The following NFYB variants were observed in gnomAD, a reference collection of about 807,000 sequenced individuals.
The protein encoded by NFYB is nuclear transcription factor Y subunit beta.
NFYB carries 13 observed loss-of-function variants against 28.0 expected under a neutral mutation model. The observed-to-expected ratio is 0.46, with a 90% confidence interval of 0.30 to 0.74. The LOEUF (loss-of-function observed/expected upper bound fraction) is 0.74. Ranked by LOEUF, NFYB falls within the 30% of genes least tolerant of loss-of-function variation. The pLI, the probability that NFYB is intolerant of heterozygous loss-of-function variation, is 0.07. For missense variants in NFYB, 142 were observed against 247.6 expected (o/e 0.57, Z 2.86); for synonymous variants, 74 against 75.0 (o/e 0.99, Z 0.07).
intron 2 of NFYB, among the ~76,000 whole-genome samples, chr12:104,129,718 A>G (rs773316388): frequency 2.2e-4 from 33 of 152,272 alleles, no homozygotes; most frequent in Non-Finnish European, 4.0e-4. Context: ...GTCTCTAAAA[A>G]AAAACAAAAA....
Position 104,119,529 on chromosome 12 carries a change from T to G in NFYB, c.*208A>C, listed in dbSNP as rs2030385726. The G allele has an allele frequency of 2.1e-6, 1 of 470,540 alleles. No individual in the cohort carries two copies. Among genetic ancestry groups the G allele is most frequent in the Non-Finnish European group, 3.8e-6 (1 of 263,974 alleles). 29.1% of individuals were successfully genotyped at this position (470,540 alleles called of 1,614,324 possible). On this transcript the variant is annotated 3_prime_UTR_variant, in exon 8 of 8. Coordinates refer to ENST00000240055, the MANE Select transcript of NFYB (RefSeq NM_006166.4). The stretch of plus-strand genomic sequence containing the variant: ...CAAAACAAAAATATTTTAATACCTT[T>G]AAAATCCAAATTTTTCTTTAAAATC...
Position 104,133,079 on chromosome 12 carries a change from C to A in NFYB, c.6+2369G>T, listed in dbSNP as rs114148766. On this transcript the variant is annotated intron_variant, in intron 2 of 7. Transcript: ENST00000240055. ...ATAAATCTTTATTTTTTTGATGTAG[C>A]CGTATTTAAACTATGCTAATAATTT... Among the ~76,000 whole-genome samples, 495 of 152,208 alleles carry A rather than the reference C, an allele frequency of 3.3e-3. 4 individuals are homozygous for A. The highest frequency in any genetic ancestry group is 0.011 in the African/African-American group (474 of 41,526).
intron 2 of NFYB, among the ~76,000 whole-genome samples, chr12:104,130,570 AT>A (rs1565826680): frequency 6.6e-6 from 1 of 152,216 alleles, no homozygotes; most frequent in Non-Finnish European, 1.5e-5. Flanking sequence ...CAGTGACCTG[AT>A]TCTGACTCTC....
intron 2 of NFYB, among the ~76,000 whole-genome samples, chr12:104,129,750 G>C (rs980059562): frequency 1.3e-5 from 2 of 152,150 alleles, no homozygotes; most frequent in Non-Finnish European, 2.9e-5. Flanking sequence ...GCCAGGCGTT[G>C]TGGCATGTGC....
intron 1 of NFYB, chr12:104,137,768 G>C (rs966270592): frequency 1.8e-4 from 26 of 147,408 alleles, no homozygotes. Context: ...CCGGCTCCCC[G>C]CACAAAATGG....
At chr12:104,129,670 G>A (rs960619307) in intron 2 of NFYB, among the ~76,000 whole-genome samples, 13 of 152,074 alleles carry the variant, frequency 8.5e-5, no homozygotes, top group Non-Finnish European at 1.9e-4. Context: ...CTTGGGCCCA[G>A]AAGTTCAAGA....
intron 4 of NFYB, 83 bp from the exon 5 acceptor site, chr12:104,123,506 A>G: frequency 9.9e-7 from 1 of 1,010,394 alleles, no homozygotes; most frequent in Admixed American, 2.2e-5. Context: ...CCTATTCAGA[A>G]GAACACATCT....
At position 104,120,473 on chromosome 12, in the gene NFYB, T is replaced by G. The variant is rs907348613; in HGVS notation, c.518A>C (p.Gln173Pro). 3.1e-6 allele frequency: 5 copies of G among 1,613,472 alleles called. No homozygotes were observed. Among genetic ancestry groups the G allele is most frequent in the Non-Finnish European group, 4.2e-6 (5 of 1,179,612 alleles). ...TGTGGTTATTAAGCCAGCTGGTAAC[T>G]GGTTAGCTAAAAGAAAAAAAATTAG... is the stretch of plus-strand genomic sequence containing the variant. ...EELTEEAFTN[Q>P]LPAGLITTDG... is the part of the protein sequence containing the mutation. The change falls in exon 7 of 8, where the codon CAG (glutamine) becomes CCG (proline). Residue 173 changes from glutamine to proline, a missense_variant. Around this residue, in one of 2 missense-constraint regions of NFYB, gnomAD observed 88 missense variants for 189.5 expected, o/e 0.46. Coordinates refer to ENST00000240055, the MANE Select transcript of NFYB (RefSeq NM_006166.4).
At chr12:104,127,599 A>AT (rs1400351664) in intron 3 of NFYB, among the ~76,000 whole-genome samples, 1 of 140,702 alleles carries the variant, frequency 7.1e-6, no homozygotes, top group African/African-American at 2.6e-5. Flanking sequence ...AAAAAAAAAA[A>AT]TTTTTTTTAC....
intron 5 of NFYB, 149 bp downstream of exon 5, chr12:104,123,077 G>T (rs763518569): frequency 7.2e-5 from 44 of 611,010 alleles, no homozygotes; most frequent in Non-Finnish European, 1.0e-4. Context: ...TCAGGAGGCT[G>T]AGGCAGGAGA....
intron 1 of NFYB, 85 bp from the exon 2 acceptor site, chr12:104,135,617 T>G (rs74241079): frequency 0.091 from 45,020 of 494,550 alleles, 2,751 homozygotes; most frequent in East Asian, 0.2. Flanking sequence ...TTTTTTCTCA[T>G]AAAATTAAAG....
chr12:104,123,184 A>G (rs1279838156), intron 5 of NFYB, 42 bp downstream of exon 5: 3 of 1,510,538 alleles, frequency 2.0e-6, no homozygotes, highest in African/African-American at 1.4e-5. Flanking sequence ...TCAAAAAAAA[A>G]AAGAAGAAAA....
At chr12:104,132,211 T>C (rs761242532) in intron 2 of NFYB, among the ~76,000 whole-genome samples, 6 of 151,944 alleles carry the variant, frequency 3.9e-5, no homozygotes, top group Non-Finnish European at 8.8e-5. Context: ...GGAAATGACA[T>C]TGAAAATGAG....
chr12:104,131,960 G>A (rs2136668236), intron 2 of NFYB: 1 of 347,538 alleles, frequency 2.9e-6, no homozygotes, highest in African/African-American at 2.1e-5. Context: ...GAACAAACTG[G>A]ATGAGAACAA....
chr12:104,125,029 T>A (rs1403870998), intron 4 of NFYB, among the ~76,000 whole-genome samples: 1 of 152,026 alleles, frequency 6.6e-6, no homozygotes, highest in African/African-American at 2.4e-5. Context: ...GACCAAGTGA[T>A]GAGCAATGAC....
chr12:104,125,914 A>G (rs1216364642), intron 4 of NFYB, among the ~76,000 whole-genome samples, 200 bp downstream of exon 4: 1 of 151,050 alleles, frequency 6.6e-6, no homozygotes, highest in African/African-American at 2.4e-5. Context: ...TAAGTGGGAG[A>G]GAGGAGAACA....
At chr12:104,137,821 C>CCCGCGGCCCCT (rs2031171678) in intron 1 of NFYB, 1 of 147,358 alleles carries the variant, frequency 6.8e-6, no homozygotes, top group African/African-American at 2.4e-5. Context: ...CCGACGCAGC[C>CCCGCGGCCCCT]CCGCGGCCCC....
At chr12:104,126,065 T>C (rs1024112729) in intron 4 of NFYB, 49 bp downstream of exon 4, 1 of 1,516,582 alleles carries the variant, frequency 6.6e-7, no homozygotes, top group African/African-American at 1.4e-5. Context: ...ATTCATGTAG[T>C]TTCGTGTTTC....
intron 2 of NFYB, among the ~76,000 whole-genome samples, chr12:104,132,252 AAAAG>A (rs2030951102): frequency 6.6e-6 from 1 of 152,180 alleles, no homozygotes; most frequent in Non-Finnish European, 1.5e-5. Flanking sequence ...CAGTCAGGCA[AAAAG>A]AAAGGTGGGA....
Sources: allele counts gnomAD v4.1 joint callset (sites outside exome capture counted in the v4.1 genomes callset), GRCh38; gene constraint gnomAD v4.1.1; regional missense constraint gnomAD v4.1.1; transcripts MANE v1.5; gene names NCBI Gene and HGNC (gene_info 2026-07-23, HGNC 2026-07-21).